Variants in NXPH2 observed in about 807,000 individuals in gnomAD.
NXPH2 encodes the protein neurexophilin 2.
NXPH2 carries 5 observed loss-of-function variants against 19.8 expected under a neutral mutation model. That is an observed-to-expected ratio of 0.25 (90% confidence interval 0.13 to 0.53). The LOEUF (loss-of-function observed/expected upper bound fraction) is 0.53, where lower values mean the gene tolerates loss of function less well. Among genes scored for constraint, NXPH2 ranks in the 20% least tolerant of loss-of-function variants. The pLI, the probability that NXPH2 is intolerant of heterozygous loss-of-function variation, is 0.96. For missense variants in NXPH2, 289 were observed against 322.8 expected (o/e 0.90, Z 0.80); for synonymous variants, 154 against 127.4 (o/e 1.21, Z -1.41).
chr2:138,780,158 G>A, intron 1 of NXPH2, 33 bp downstream of exon 1: 2 of 1,473,602 alleles, frequency 1.4e-6, no homozygotes, highest in Non-Finnish European at 1.8e-6. Flanking sequence ...CGCGTCCCCG[G>A]CGTGTGGGAC....
At chr2:138,686,373 T>G (rs1191916782) in intron 1 of NXPH2, among the ~76,000 whole-genome samples, 1 of 152,154 alleles carries the variant, frequency 6.6e-6, no homozygotes, top group African/African-American at 2.4e-5. Flanking sequence ...GAAGAGGCAC[T>G]GTCTCTCTCT....
intron 1 of NXPH2, among the ~76,000 whole-genome samples, chr2:138,682,120 T>G (rs2104969944): frequency 6.6e-6 from 1 of 152,296 alleles, no homozygotes; most frequent in South Asian, 2.1e-4. Context: ...AAATGACAAG[T>G]TGCTCAGCAG....
intron 1 of NXPH2, among the ~76,000 whole-genome samples, chr2:138,690,162 C>T (rs1234480705): frequency 6.6e-6 from 1 of 152,204 alleles, no homozygotes; most frequent in East Asian, 1.9e-4. Context: ...TCTCTGTCCG[C>T]CTTCCCCCAC....
At chr2:138,676,452 G>A (rs1680485104) in intron 1 of NXPH2, among the ~76,000 whole-genome samples, 2 of 152,126 alleles carry the variant, frequency 1.3e-5, no homozygotes, top group Admixed American at 6.5e-5. Flanking sequence ...GGAGGCTGAT[G>A]AGCCACAACC....
intron 1 of NXPH2, among the ~76,000 whole-genome samples, chr2:138,763,502 C>T (rs890911680): frequency 6.6e-6 from 1 of 152,092 alleles, no homozygotes; most frequent in African/African-American, 2.4e-5. Flanking sequence ...GACTGAATAT[C>T]AAACTTTTCT....
chr2:138,711,145 C>CTTTTTTTTTTTTTTTTTTTTTT (rs397766605), intron 1 of NXPH2, among the ~76,000 whole-genome samples: 46 of 91,086 alleles, frequency 5.1e-4, no homozygotes, highest in South Asian at 9.3e-4. Flanking sequence ...ATTTCTATCA[C>CTTTTTTTTTTTTTTTTTTTTTT]TTTTTTTTTT....
At chr2:138,676,396 A>G (rs1339955887) in intron 1 of NXPH2, among the ~76,000 whole-genome samples, 3 of 152,132 alleles carry the variant, frequency 2.0e-5, no homozygotes. Flanking sequence ...TATATGACCT[A>G]AGTCCCCAGT....
chr2:138,721,974 G>C (rs879911036), intron 1 of NXPH2, among the ~76,000 whole-genome samples: 1 of 152,222 alleles, frequency 6.6e-6, no homozygotes, highest in Non-Finnish European at 1.5e-5. Flanking sequence ...TCAGTTGCTT[G>C]ATTCAGTAGA....
At chr2:138,776,511 T>A (rs1449971057) in intron 1 of NXPH2, among the ~76,000 whole-genome samples, 1 of 152,002 alleles carries the variant, frequency 6.6e-6, no homozygotes, top group Non-Finnish European at 1.5e-5. Flanking sequence ...TTTAATTGTC[T>A]AATCTTAATT....
intron 1 of NXPH2, among the ~76,000 whole-genome samples, chr2:138,766,465 G>A (rs1053270652): frequency 6.6e-6 from 1 of 152,162 alleles, no homozygotes; most frequent in African/African-American, 2.4e-5. Flanking sequence ...GGGAGAAGGT[G>A]CTACTCGCAT....
chr2:138,773,338 C>T (rs1438583237), intron 1 of NXPH2, among the ~76,000 whole-genome samples: 1 of 152,128 alleles, frequency 6.6e-6, no homozygotes, highest in Non-Finnish European at 1.5e-5. Flanking sequence ...CAATCCCAAT[C>T]GTCTCCTGTT....
At chr2:138,717,667 G>C (rs186393898) in intron 1 of NXPH2, among the ~76,000 whole-genome samples, 212 of 152,052 alleles carry the variant, frequency 1.4e-3, no homozygotes, top group African/African-American at 4.9e-3. Context: ...ATCCAGACCA[G>C]AGCAGCAACC....
At chr2:138,774,448 T>C (rs1033070540) in intron 1 of NXPH2, among the ~76,000 whole-genome samples, 15 of 152,238 alleles carry the variant, frequency 9.9e-5, no homozygotes, top group African/African-American at 3.6e-4. Context: ...GTGAAATTTA[T>C]ATTTAAAACA....
chr2:138,764,866 GA>G (rs1682068248), intron 1 of NXPH2, among the ~76,000 whole-genome samples: 1 of 152,122 alleles, frequency 6.6e-6, no homozygotes, highest in Non-Finnish European at 1.5e-5. Context: ...ATTTTCTAAG[GA>G]AAAGCTTAGC....
In NXPH2 at chr2:138,780,233, C is replaced by A; in HGVS notation, c.9G>T (p.Leu3=). ...GGACCACCACGAGGGGCAGCGGCCG[C>A]AGGCGCATGGTGCCGGCTGGCGCGG... MR[L]RPLPLVVVPG... Residue 3 remains leucine (L), a synonymous_variant, in exon 1 of 2, where the codon CTG becomes CTT. Coordinates refer to ENST00000272641, the MANE Select transcript of NXPH2 (RefSeq NM_007226.3). 2 of 1,459,696 alleles carry A rather than the reference C, an allele frequency of 1.4e-6. No individual in the cohort carries two copies. The highest frequency in any genetic ancestry group is 1.8e-6 in the Non-Finnish European group (2 of 1,115,460). 90.4% of individuals were successfully genotyped at this position (1,459,696 alleles called of 1,614,324 possible).
At chr2:138,726,135 T>C (rs935177121) in intron 1 of NXPH2, among the ~76,000 whole-genome samples, 2 of 152,074 alleles carry the variant, frequency 1.3e-5, no homozygotes, top group African/African-American at 4.8e-5. Context: ...CTCCACCTCC[T>C]AGGTTCAAGC....
chr2:138,714,623 G>A (rs1018861980), intron 1 of NXPH2, among the ~76,000 whole-genome samples: 1 of 151,872 alleles, frequency 6.6e-6, no homozygotes, highest in Non-Finnish European at 1.5e-5. Flanking sequence ...TCTATTACTG[G>A]TCTGATAAAA....
intron 1 of NXPH2, among the ~76,000 whole-genome samples, chr2:138,742,007 T>A (rs147586436): frequency 1.7e-4 from 26 of 152,334 alleles, no homozygotes; most frequent in African/African-American, 6.0e-4. Flanking sequence ...CAAAGTCAAT[T>A]CCATGCCATC....
chr2:138,695,020 T>C (rs912874740), intron 1 of NXPH2, among the ~76,000 whole-genome samples: 1 of 152,162 alleles, frequency 6.6e-6, no homozygotes, highest in Non-Finnish European at 1.5e-5. Flanking sequence ...TAAGGATTCA[T>C]ATATCTAAAC....
Sources: gnomAD v4.1 joint callset for allele counts (sites outside exome capture counted in the v4.1 genomes callset) on GRCh38, gnomAD v4.1.1 for gene constraint, MANE v1.5 for transcripts, NCBI Gene and HGNC (gene_info 2026-07-23, HGNC 2026-07-21) for gene names.